Variants in EDIL3 observed in about 807,000 individuals in gnomAD.
EDIL3 encodes EGF like and discoidin domains 3.
Under a neutral mutation model 67.4 loss-of-function variants are expected in EDIL3, and 37 were observed. That is an observed-to-expected ratio of 0.55 (90% CI 0.42 to 0.72). The LOEUF (loss-of-function observed/expected upper bound fraction) is 0.72, where lower values mean the gene tolerates loss of function less well. Ranked by LOEUF, EDIL3 falls within the 30% of genes least tolerant of loss-of-function variation. The pLI is 0.00. For missense variants in EDIL3, 527 were observed against 586.3 expected, an observed-to-expected ratio of 0.90 and a Z score of 1.04; for synonymous variants, 195 against 196.3, an observed-to-expected ratio of 0.99 and a Z score of 0.05.
intron 9 of EDIL3, among the ~76,000 whole-genome samples, chr5:84,034,883 A>C (rs1745991518): frequency 6.6e-6 from 1 of 152,156 alleles, no homozygotes; most frequent in Non-Finnish European, 1.5e-5. Flanking sequence ...TGGCCATGTC[A>C]CTGATATCGA....
At chr5:84,358,805 T>C (rs1316023754) in intron 1 of EDIL3, among the ~76,000 whole-genome samples, 2 of 151,834 alleles carry the variant, frequency 1.3e-5, no homozygotes, top group Non-Finnish European at 2.9e-5. Context: ...AGAGACGGGG[T>C]TTCTCCATGT....
chr5:84,127,185 T>C (rs892069666), intron 5 of EDIL3, among the ~76,000 whole-genome samples: 1 of 152,110 alleles, frequency 6.6e-6, no homozygotes, highest in Non-Finnish European at 1.5e-5. Context: ...GTTCTATCCA[T>C]TTTTCTTGTC....
rs1290402407 is a variant in EDIL3, at chr5:84,328,177, A to G, written c.67+56131T>C. ...TCTGAAACATAAATAAACATGTCAT[A>G]TGCAGTTAAATATGTGAGCCTTTGT... On this transcript the variant is annotated intron_variant, in intron 1 of 10. Coordinates refer to ENST00000296591, the MANE Select transcript of EDIL3 (RefSeq NM_005711.5). Among the ~76,000 whole-genome samples, 4 of 152,082 alleles carry G rather than the reference A, an allele frequency of 2.6e-5. No homozygotes were observed. In the East Asian group the frequency reaches 7.7e-4, roughly 29 times the overall value.
intron 1 of EDIL3, among the ~76,000 whole-genome samples, chr5:84,336,247 C>T (rs527618853): frequency 8.5e-5 from 13 of 152,098 alleles, no homozygotes; most frequent in Non-Finnish European, 1.8e-4. Context: ...TAAAGACCTG[C>T]GTGTATTCAA....
At chr5:84,259,862 TG>T (rs926308590) in intron 1 of EDIL3, among the ~76,000 whole-genome samples, 5 of 152,138 alleles carry the variant, frequency 3.3e-5, no homozygotes, top group African/African-American at 1.2e-4. Context: ...CAGAAGACAA[TG>T]GTTAAAAAAA....
At chr5:84,360,926 T>C (rs2112200777) in intron 1 of EDIL3, among the ~76,000 whole-genome samples, 1 of 152,252 alleles carries the variant, frequency 6.6e-6, no homozygotes, top group African/African-American at 2.4e-5. Context: ...GTCTTATAAT[T>C]ATATAGCAAA....
chr5:84,229,338 A>G (rs1193139002), intron 3 of EDIL3, among the ~76,000 whole-genome samples: 1 of 152,198 alleles, frequency 6.6e-6, no homozygotes, highest in Non-Finnish European at 1.5e-5. Context: ...CAGGATTATT[A>G]AATTATAATT....
chr5:84,316,394 CA>C lies in EDIL3; in HGVS notation c.68-62183del, dbSNP rs375518245. 9.1e-4 allele frequency among the ~76,000 whole-genome samples: 138 copies of C among 151,988 alleles called. 1 individual carries two copies. The highest frequency in any genetic ancestry group is 3.1e-3 in the African/African-American group (130 of 41,440). Reference sequence around the variant, plus strand: ...TCACATGCAAAGACACATATAGGCTCAAAATTAAGGGATGGAGGAAGATCTA... The same window carrying C: ...TCACATGCAAAGACACATATAGGCTCAAATTAAGGGATGGAGGAAGATCTA... On this transcript the variant is annotated intron_variant, in intron 1 of 10. Coordinates refer to ENST00000296591, the MANE Select transcript of EDIL3 (RefSeq NM_005711.5).
At chr5:84,132,798 T>C (rs1241528014) in intron 5 of EDIL3, among the ~76,000 whole-genome samples, 1 of 151,322 alleles carries the variant, frequency 6.6e-6, no homozygotes, top group Non-Finnish European at 1.5e-5. Flanking sequence ...AACTATATAA[T>C]TATCTAGATT....
At chr5:84,028,946 G>C (rs905113346) in intron 9 of EDIL3, among the ~76,000 whole-genome samples, 19 of 152,054 alleles carry the variant, frequency 1.2e-4, no homozygotes, top group African/African-American at 4.6e-4. Context: ...TCTCATGACA[G>C]TGAATAAATC....
chr5:84,272,963 A>G (rs1369335491), intron 1 of EDIL3, among the ~76,000 whole-genome samples: 1 of 152,148 alleles, frequency 6.6e-6, no homozygotes, highest in Non-Finnish European at 1.5e-5. Context: ...TTAGAAATGT[A>G]TTGACTTGGG....
chr5:84,190,489 A>G (rs993185344), intron 3 of EDIL3, among the ~76,000 whole-genome samples: 3 of 151,574 alleles, frequency 2.0e-5, no homozygotes, highest in Non-Finnish European at 1.5e-5. Context: ...CTACATATCA[A>G]TTAGACAGGG....
At chr5:84,055,348 A>T (rs1436402240) in intron 9 of EDIL3, among the ~76,000 whole-genome samples, 1 of 146,694 alleles carries the variant, frequency 6.8e-6, no homozygotes, top group Non-Finnish European at 1.5e-5. Context: ...CTAAAACCAT[A>T]AAAACCCGAG....
At chr5:84,112,436 T>C (rs910777033) in intron 5 of EDIL3, among the ~76,000 whole-genome samples, 5 of 152,162 alleles carry the variant, frequency 3.3e-5, no homozygotes, top group African/African-American at 1.2e-4. Flanking sequence ...AGAGCAAACA[T>C]AGGTGTTTCC....
At chr5:84,150,682 T>C (rs997346765) in intron 4 of EDIL3, among the ~76,000 whole-genome samples, 4 of 152,148 alleles carry the variant, frequency 2.6e-5, no homozygotes, top group African/African-American at 4.8e-5. Flanking sequence ...TGTTCTGATA[T>C]AAAATAATGC....
intron 1 of EDIL3, among the ~76,000 whole-genome samples, chr5:84,346,153 T>G (rs1400834419): frequency 8.1e-5 from 12 of 148,728 alleles, no homozygotes; most frequent in Admixed American, 8.1e-4. Flanking sequence ...TTTTTTTTTT[T>G]GAAATGGAGT....
intron 5 of EDIL3, among the ~76,000 whole-genome samples, chr5:84,120,451 T>C (rs1747755741): frequency 6.6e-6 from 1 of 152,024 alleles, no homozygotes; most frequent in South Asian, 2.1e-4. Flanking sequence ...AAATATTTTA[T>C]CATTTTAATA....
At chr5:84,157,671 G>A (rs1313536414) in intron 4 of EDIL3, among the ~76,000 whole-genome samples, 1 of 151,960 alleles carries the variant, frequency 6.6e-6, no homozygotes, top group Non-Finnish European at 1.5e-5. Flanking sequence ...TCCTAACAGT[G>A]TTAAAGCTAC....
chr5:84,225,836 C>A (rs1010164438), intron 3 of EDIL3, among the ~76,000 whole-genome samples: 2 of 151,306 alleles, frequency 1.3e-5, no homozygotes, highest in African/African-American at 4.8e-5. Context: ...GTGGTAATAT[C>A]CACTAGGAAC....
Sources: gnomAD v4.1 joint callset for allele counts (sites outside exome capture counted in the v4.1 genomes callset) on GRCh38, gnomAD v4.1.1 for gene constraint, MANE v1.5 for transcripts, NCBI Gene and HGNC (gene_info 2026-07-23, HGNC 2026-07-21) for gene names.